C11orf16: variants seen among roughly 807,000 people sequenced by gnomAD.
The protein encoded by C11orf16 is chromosome 11 open reading frame 16.
In C11orf16, 38 loss-of-function variants were observed where a neutral mutation model predicts 45.1. The observed-to-expected ratio is 0.84, with a 90% CI of 0.65 to 1.10. C11orf16 has a LOEUF of 1.10. Among genes scored for constraint, C11orf16 ranks in the 50% least tolerant of loss-of-function variants. The probability of loss-of-function intolerance (pLI) is 0.00; values close to 1 mark genes in which losing one functional copy is unlikely to be tolerated. For synonymous variants in C11orf16, 221 were observed against 222.0 expected (o/e 1.00, Z 0.04); for missense variants, 583 against 569.5 (o/e 1.02, Z -0.24).
chr11:8,920,401 C>T lies in C11orf16; in HGVS notation c.*72G>A. The T allele has an allele frequency of 3.0e-6, 2 of 663,754 alleles. No homozygotes were observed. The highest frequency in any genetic ancestry group is 3.3e-5 in the South Asian group (2 of 60,828). 41.1% of individuals were successfully genotyped at this position (663,754 alleles called of 1,614,324 possible). A position where few individuals can be genotyped will look rare whatever the true frequency, so the allele number is the denominator to read the frequency against. On this transcript the variant is annotated 3_prime_UTR_variant, in exon 7 of 7. Coordinates refer to ENST00000326053, the MANE Select transcript of C11orf16 (RefSeq NM_020643.3). Reference sequence around the variant, plus strand: ...CTCCTTCCGTTGAAGAAGGCCTTGTCAGCCACTCTGTATAACTCTCCTCGA... The same window carrying T: ...CTCCTTCCGTTGAAGAAGGCCTTGTTAGCCACTCTGTATAACTCTCCTCGA...
At chr11:8,929,234 A>G (rs1029493114) in intron 3 of C11orf16, 143 bp downstream of exon 3, 5 of 826,036 alleles carry the variant, frequency 6.1e-6, no homozygotes, top group East Asian at 5.4e-5. Flanking sequence ...ATGGTATTAC[A>G]TGTTCACTTC....
chr11:8,922,436 G>C (rs2064581704), intron 5 of C11orf16, among the ~76,000 whole-genome samples: 1 of 152,130 alleles, frequency 6.6e-6, no homozygotes, highest in Non-Finnish European at 1.5e-5. Flanking sequence ...CTGAGGAATA[G>C]ACCAATCTAA....
chr11:8,926,613 G>A (rs564939516), intron 4 of C11orf16, among the ~76,000 whole-genome samples: 8 of 152,240 alleles, frequency 5.3e-5, no homozygotes, highest in Admixed American at 1.3e-4. Flanking sequence ...GACTGACCCT[G>A]CAGAAGAGGA....
At chr11:8,922,709 G>C (rs1325951589) in intron 5 of C11orf16, among the ~76,000 whole-genome samples, 2 of 152,252 alleles carry the variant, frequency 1.3e-5, no homozygotes, top group Non-Finnish European at 2.9e-5. Context: ...CGGATATCAA[G>C]TCCTGATAGC....
intron 3 of C11orf16, among the ~76,000 whole-genome samples, chr11:8,928,049 A>G (rs987732070): frequency 2.0e-5 from 3 of 152,138 alleles, no homozygotes; most frequent in Admixed American, 6.5e-5. Context: ...CTGGGACTAC[A>G]GGAGCCCACC....
rs2064608003 is a variant in C11orf16, at chr11:8,925,887, A to G, written c.780T>C (p.Asp260=). 2.5e-6 allele frequency: 4 copies of G among 1,614,118 alleles called. No individual in the cohort carries two copies. In the African/African-American group the frequency reaches 5.3e-5, roughly 22 times the overall value. The change falls in exon 5 of 7, where the codon GAT becomes GAC. Residue 260 remains aspartate, a synonymous_variant. Coordinates refer to ENST00000326053, the MANE Select transcript of C11orf16 (RefSeq NM_020643.3). ...TGRITNELPP[D]APFLCPLCHH... ...GGCAGAGAGGGCACAGGAATGGAGC[A>G]TCCGGAGGAAGCTCATTAGTGATGC...
chr11:8,927,911 T>C (rs1212767730), intron 3 of C11orf16, among the ~76,000 whole-genome samples: 1 of 152,008 alleles, frequency 6.6e-6, no homozygotes, highest in Non-Finnish European at 1.5e-5. Flanking sequence ...GAAAATTGAC[T>C]TTTTTTTGTT....
intron 2 of C11orf16, 131 bp from the exon 3 acceptor site, chr11:8,929,664 A>G: frequency 1.1e-6 from 1 of 908,590 alleles, no homozygotes; most frequent in Non-Finnish European, 1.6e-6. Flanking sequence ...CCATATGGAA[A>G]GTGGCAATCT....
chr11:8,932,117 C>T, intron 2 of C11orf16, 25 bp downstream of exon 2: 3 of 1,537,960 alleles, frequency 2.0e-6, no homozygotes, highest in Non-Finnish European at 1.7e-6. Context: ...GCATCCACTT[C>T]CCCCAGAGGG....
intron 3 of C11orf16, among the ~76,000 whole-genome samples, chr11:8,928,161 G>T (rs2064627461): frequency 6.6e-6 from 1 of 152,058 alleles, no homozygotes; most frequent in Non-Finnish European, 1.5e-5. Context: ...ACCCTTCTTG[G>T]TTTCCCAAAG....
At chr11:8,924,108 C>A (rs1056187759) in intron 5 of C11orf16, among the ~76,000 whole-genome samples, 5 of 152,080 alleles carry the variant, frequency 3.3e-5, no homozygotes, top group African/African-American at 9.7e-5. Flanking sequence ...CAGACACACT[C>A]CTCCCCACCC....
At chr11:8,925,109 C>A (rs1336273848) in intron 5 of C11orf16, among the ~76,000 whole-genome samples, 1 of 152,140 alleles carries the variant, frequency 6.6e-6, no homozygotes, top group Non-Finnish European at 1.5e-5. Context: ...TTGGACTGTT[C>A]ATCTAGAGAA....
chr11:8,931,413 G>A (rs1366049431), intron 2 of C11orf16, among the ~76,000 whole-genome samples: 1 of 151,954 alleles, frequency 6.6e-6, no homozygotes, highest in Non-Finnish European at 1.5e-5. Context: ...CTTTGAGACA[G>A]AGTCTCACTC....
At chr11:8,931,664 A>G (rs971720579) in intron 2 of C11orf16, among the ~76,000 whole-genome samples, 1 of 152,054 alleles carries the variant, frequency 6.6e-6, no homozygotes, top group Non-Finnish European at 1.5e-5. Flanking sequence ...TGCTGGGATT[A>G]CAGGCATGAG....
chr11:8,922,234 G>T (rs1184481141), intron 5 of C11orf16, among the ~76,000 whole-genome samples: 1 of 152,130 alleles, frequency 6.6e-6, no homozygotes, highest in African/African-American at 2.4e-5. Context: ...TGAACTGGGT[G>T]CATTGGTGCA....
Position 8,932,241 on chromosome 11 carries a change from G to A in C11orf16, c.68C>T (p.Ala23Val), listed in dbSNP as rs749262805. The A allele has an allele frequency of 3.7e-6, 6 of 1,610,238 alleles. No individual in the cohort carries two copies. Among genetic ancestry groups the A allele is most frequent in the South Asian group, 1.1e-5 (1 of 89,974 alleles). Residue 23 changes from alanine to valine, a missense_variant, in exon 2 of 7, where the codon GCC (alanine) becomes GTC (valine). Ala to Val is a moderately conservative substitution (Grantham distance 64). Transcript: ENST00000326053. ...TGGAGCAGCACCGTCCCAGCCAGGG[G>A]CCTTCAGGCTTGTGGCCACGCTGCA... is the stretch of plus-strand genomic sequence containing the variant. The part of the protein sequence containing the change: ...KYCSVATSLK[A>V]PGWDGAAPPW...
chr11:8,920,363 G>A lies in C11orf16; in HGVS notation c.*110C>T. 1 of 625,134 alleles carries A rather than the reference G, an allele frequency of 1.6e-6. No individual in the cohort carries two copies. Among genetic ancestry groups the A allele is most frequent in the East Asian group, 3.0e-5 (1 of 33,252 alleles). 38.7% of individuals were successfully genotyped at this position (625,134 alleles called of 1,614,324 possible). A position where few individuals can be genotyped will look rare whatever the true frequency, so the allele number is the denominator to read the frequency against. Reference sequence around the variant, plus strand: ...GGTGGTTATTTGACTGTTACCTGTGGCCTGTCCTCTGCCTCCTTCCGTTGA... The same window carrying A: ...GGTGGTTATTTGACTGTTACCTGTGACCTGTCCTCTGCCTCCTTCCGTTGA... On this transcript the variant is annotated 3_prime_UTR_variant, in exon 7 of 7. Transcript: ENST00000326053.
chr11:8,924,098 C>T (rs2064592530), intron 5 of C11orf16, among the ~76,000 whole-genome samples: 1 of 152,096 alleles, frequency 6.6e-6, no homozygotes, highest in Non-Finnish European at 1.5e-5. Flanking sequence ...CCAAGTGCAG[C>T]AGACACACTC....
At chr11:8,923,076 T>C (rs1017548677) in intron 5 of C11orf16, among the ~76,000 whole-genome samples, 8 of 152,240 alleles carry the variant, frequency 5.3e-5, no homozygotes, top group African/African-American at 1.7e-4. Context: ...ATCTTCTTTA[T>C]AGTCAATTAA....
Sources: allele counts gnomAD v4.1 joint callset (sites outside exome capture counted in the v4.1 genomes callset), GRCh38; gene constraint gnomAD v4.1.1; transcripts MANE v1.5; gene names NCBI Gene and HGNC (gene_info 2026-07-23, HGNC 2026-07-21).